Variants in FBXO41 observed in about 807,000 individuals in gnomAD.
FBXO41 encodes F-box only protein 41.
FBXO41 carries 33 observed loss-of-function variants against 81.6 expected under a neutral mutation model. The observed-to-expected ratio is 0.40, with a 90% confidence interval of 0.31 to 0.54. The LOEUF (loss-of-function observed/expected upper bound fraction) is 0.54. FBXO41 is among the 20% of genes least tolerant of loss of function. The pLI, the probability that FBXO41 is intolerant of heterozygous loss-of-function variation, is 0.39. For missense variants in FBXO41, 1,107 were observed against 1,236.0 expected (o/e 0.90, Z 1.56); for synonymous variants, 576 against 552.7 (o/e 1.04, Z -0.59).
Position 73,268,896 on chromosome 2 carries a change from C to T in FBXO41, c.735G>A (p.Ala245=), listed in dbSNP as rs776656717. The change falls in exon 2 of 13, where the codon GCG becomes GCA. Residue 245 remains alanine (A), a synonymous_variant. Coordinates refer to ENST00000520530, the MANE Select transcript of FBXO41 (RefSeq NM_001371389.2). Reference sequence around the variant, plus strand: ...CCTGCCGCGCAGTCTCCAGTTCGGCCGCCTTGCGCTCCAGCTCGGCCTGCA... The same window carrying T: ...CCTGCCGCGCAGTCTCCAGTTCGGCTGCCTTGCGCTCCAGCTCGGCCTGCA... ...GRLQAELERK[A]AELETARQES... is the part of the protein sequence containing the mutation. 39 of 1,550,896 alleles carry T rather than the reference C, an allele frequency of 2.5e-5. No individual in the cohort carries two copies. Among genetic ancestry groups the T allele is most frequent in the Non-Finnish European group, 3.2e-5 (37 of 1,150,552 alleles).
Position 73,266,074 on chromosome 2 carries a change from GGA to G in FBXO41, c.1132-110_1132-109del, listed in dbSNP as rs1230417118. 1 of 958,282 alleles carries G rather than the reference GGA, an allele frequency of 1.0e-6. No homozygotes were observed. Among genetic ancestry groups the G allele is most frequent in the Non-Finnish European group, 1.6e-6 (1 of 624,678 alleles). 59.4% of individuals were successfully genotyped at this position (958,282 alleles called of 1,614,324 possible). A position where few individuals can be genotyped will look rare whatever the true frequency, so the allele number is the denominator to read the frequency against. On this transcript the variant is annotated intron_variant, in intron 3 of 12. Coordinates refer to ENST00000520530, the MANE Select transcript of FBXO41 (RefSeq NM_001371389.2). The surrounding 1 kb of genome is among the most constrained non-coding windows in gnomAD (Gnocchi z 5.3). Reference sequence around the variant, plus strand: ...AAAGATGGAGAGGAGATGGGGGAGAGGAGAGAGAAGGGAAAATAGTTGGGAAA... The same window carrying G: ...AAAGATGGAGAGGAGATGGGGGAGAGGAGAGAAGGGAAAATAGTTGGGAAA...
intron 2 of FBXO41, 93 bp downstream of exon 2, chr2:73,268,633 A>G (rs1320033917): frequency 7.9e-7 from 1 of 1,266,732 alleles, no homozygotes; most frequent in African/African-American, 1.5e-5. Context: ...CCATGGCCAC[A>G]TACAGACACA....
In FBXO41 at chr2:73,265,550, AG is replaced by A; in HGVS notation, c.1295del (p.Pro432LeufsTer84). ...LELPRPEEGA[P>X]EDSGPGGLGT... Reference sequence around the variant, plus strand: ...CCAAGCCCCCAGGGCCACTGTCCTCAGGGGCCCCCTCCTCTGGCCTGGGCAG... The same window carrying A: ...CCAAGCCCCCAGGGCCACTGTCCTCAGGGCCCCCTCCTCTGGCCTGGGCAG... On this transcript the variant is annotated frameshift_variant, in exon 5 of 13. Coordinates refer to ENST00000520530, the MANE Select transcript of FBXO41 (RefSeq NM_001371389.2). LOFTEE classifies it high-confidence loss of function. The A allele has an allele frequency of 6.3e-7, 1 of 1,585,830 alleles. No homozygotes were observed.
Position 73,266,410 on chromosome 2 carries a change from G to C in FBXO41, c.1131+47C>G, listed in dbSNP as rs756568789. On this transcript the variant is annotated intron_variant, in intron 3 of 12. Transcript: ENST00000520530. This position sits in a 1 kb window ranked among gnomAD's most constrained non-coding sequence, Gnocchi z 5.3. The stretch of plus-strand genomic sequence containing the variant: ...CAGCCATGTGAAAGGTGAGGTTGTG[G>C]GGGGCCAGGTGTGCAGGTAGAGGAG... 13 of 1,442,526 alleles carry C rather than the reference G, an allele frequency of 9.0e-6. 1 individual carries two copies. In the Admixed American group the frequency reaches 3.5e-4, roughly 39 times the overall value. 89.4% of individuals were successfully genotyped at this position (1,442,526 alleles called of 1,614,324 possible). A position where few individuals can be genotyped will look rare whatever the true frequency, so the allele number is the denominator to read the frequency against.
In FBXO41 at chr2:73,265,523, G is replaced by A. The variant is rs758038474; in HGVS notation, c.1323C>T (p.Gly441=). 6.3e-7 allele frequency: 1 copy of A among 1,595,550 alleles called. No homozygotes were observed. Among genetic ancestry groups the A allele is most frequent in the Admixed American group, 1.7e-5 (1 of 58,490 alleles). Residue 441 remains glycine, a synonymous_variant, in exon 5 of 13, where the codon GGC becomes GGT. Transcript: ENST00000520530. ...APEDSGPGGL[G]TRAQAANGGS... ...CCCCGTTGGCAGCCTGGGCCCGTGT[G>A]CCCAAGCCCCCAGGGCCACTGTCCT...
At position 73,259,350 on chromosome 2, in the gene FBXO41, C is replaced by T. The variant is rs1687927066; in HGVS notation, c.2450-54G>A. The T allele has an allele frequency of 3.7e-6, 5 of 1,357,482 alleles. No homozygotes were observed. Among genetic ancestry groups the T allele is most frequent in the Non-Finnish European group, 5.3e-6 (5 of 947,784 alleles). The allele number at this position is 1,357,482 out of a possible 1,614,324, so 84.1% of individuals were successfully genotyped here. ...TGTTTGGCCTGGGCTGTGGAGCTGC[C>T]TCCTCTCCTCTCACTAATTAATGAA... On this transcript the variant is annotated intron_variant, in intron 11 of 12. Transcript: ENST00000520530. The surrounding 1 kb of genome is among the most constrained non-coding windows in gnomAD (Gnocchi z 4.2).
rs1688938078 is a variant in FBXO41, at chr2:73,284,405, A to G, written c.-384T>C. ...GCGGGAGGAAGGATGGAGGAGGAGG[A>G]GGAGGAGGAGGGGGAGGAGGGGGCG... On this transcript the variant is annotated 5_prime_UTR_variant, in exon 1 of 13. Coordinates refer to ENST00000520530, the MANE Select transcript of FBXO41 (RefSeq NM_001371389.2). This position sits in a 1 kb window ranked among gnomAD's most constrained non-coding sequence, Gnocchi z 7.4. The G allele has an allele frequency of 6.6e-6, 1 of 151,314 alleles. No individual in the cohort carries two copies. The highest frequency in any genetic ancestry group is 2.4e-5 in the African/African-American group (1 of 40,994). The allele number at this position is 151,314 out of a possible 1,614,324, so 9.4% of individuals were successfully genotyped here.
In FBXO41 at chr2:73,266,588, C is replaced by T. The variant is rs374245208; in HGVS notation, c.1000G>A (p.Glu334Lys). 16 of 1,611,398 alleles carry T rather than the reference C, an allele frequency of 9.9e-6. No homozygotes were observed. The highest frequency in any genetic ancestry group is 1.2e-5 in the Non-Finnish European group (14 of 1,179,200). Reference sequence around the variant, plus strand: ...TGCCGCTCGGCACGGTCAGCCCGCTCAAGGAGCTCCTCAATGAACTGCTGC... The same window carrying T: ...TGCCGCTCGGCACGGTCAGCCCGCTTAAGGAGCTCCTCAATGAACTGCTGC... ...RLQQFIEELLERADRAERQLQ... is the reference protein window; with the variant it reads ...RLQQFIEELLKRADRAERQLQ... Residue 334 changes from glutamate to lysine, a missense_variant, in exon 3 of 13, where the codon GAG becomes AAG. By Grantham distance (56) the Glu-to-Lys change is moderately conservative. Transcript: ENST00000520530. This position sits in a 1 kb window ranked among gnomAD's most constrained non-coding sequence, Gnocchi z 5.3.
chr2:73,263,285 T>G lies in FBXO41; in HGVS notation c.2099A>C (p.His700Pro). 1 of 1,545,296 alleles carries G rather than the reference T, an allele frequency of 6.5e-7. No homozygotes were observed. Among genetic ancestry groups the G allele is most frequent in the Non-Finnish European group, 8.7e-7 (1 of 1,144,508 alleles). The change falls in exon 9 of 13, where the codon CAT (histidine) becomes CCT (proline). Residue 700 changes from histidine to proline, a missense_variant. Physicochemically the swap from His to Pro is moderately conservative, Grantham distance 77. This residue lies in a region of FBXO41 where 336 missense variants were observed against 446.7 expected (regional missense o/e 0.75). Coordinates refer to ENST00000520530, the MANE Select transcript of FBXO41 (RefSeq NM_001371389.2). ...TGCGCCCAGGGCCCAAATGACCTCA[T>G]GGCCCACGGGGTCTGTGGCACTCCT... ...TYRSATDPVG[H>P]EVIWALGAGC...
chr2:73,283,155 C>G (rs1688893843), intron 1 of FBXO41, among the ~76,000 whole-genome samples: 1 of 152,170 alleles, frequency 6.6e-6, no homozygotes, highest in Admixed American at 6.5e-5. Context: ...CCGGAGTTGT[C>G]CCCATTATAC....
chr2:73,277,401 T>G (rs1021104522), intron 1 of FBXO41, among the ~76,000 whole-genome samples: 2 of 152,174 alleles, frequency 1.3e-5, no homozygotes, highest in Non-Finnish European at 2.9e-5. Flanking sequence ...TTGTTCAAAT[T>G]TCATCACAGG....
intron 1 of FBXO41, among the ~76,000 whole-genome samples, chr2:73,276,302 C>G (rs1445408170): frequency 6.6e-6 from 1 of 151,128 alleles, no homozygotes; most frequent in East Asian, 2.0e-4. Context: ...CCCAGCTACT[C>G]AGGAGGCTGA....
In FBXO41 at chr2:73,269,247, G is replaced by C; in HGVS notation, c.384C>G (p.Pro128=). 6.5e-7 allele frequency: 1 copy of C among 1,531,080 alleles called. No homozygotes were observed. The highest frequency in any genetic ancestry group is 1.7e-4 in the Middle Eastern group (1 of 5,872). 94.8% of individuals were successfully genotyped at this position (1,531,080 alleles called of 1,614,324 possible). Residue 128 remains proline, a synonymous_variant, in exon 2 of 13, where the codon CCC becomes CCG. Transcript: ENST00000520530. This position sits in a 1 kb window ranked among gnomAD's most constrained non-coding sequence, Gnocchi z 7.0. ...GGCCCGGCTCGGCCAACTCCTCACA[G>C]GGCAGGCTAGCGGGCACCAGGTCGC... ...FPGDLVPASL[P]CEELAEPGLV... is the part of the protein sequence containing the mutation.
rs1688299008 is a variant in FBXO41 at position 73,266,889 on chromosome 2, A to C, written c.906-207T>G. On this transcript the variant is annotated intron_variant, in intron 2 of 12. Coordinates refer to ENST00000520530, the MANE Select transcript of FBXO41 (RefSeq NM_001371389.2). This position sits in a 1 kb window ranked among gnomAD's most constrained non-coding sequence, Gnocchi z 5.3. Reference sequence around the variant, plus strand: ...TGCATGCATGCACTCCGAGCCACACACTCACACCCCACCCACCTGGCCCCA... The same window carrying C: ...TGCATGCATGCACTCCGAGCCACACCCTCACACCCCACCCACCTGGCCCCA... 4.4e-6 allele frequency: 3 copies of C among 675,748 alleles called. No homozygotes were observed. Among genetic ancestry groups the C allele is most frequent in the Non-Finnish European group, 6.6e-6 (3 of 454,762 alleles). 41.9% of individuals were successfully genotyped at this position (675,748 alleles called of 1,614,324 possible). A position where few individuals can be genotyped will look rare whatever the true frequency, so the allele number is the denominator to read the frequency against.
rs1470859659 is a variant in FBXO41, at chr2:73,259,112, C to A, written c.2566-68G>T. On this transcript the variant is annotated intron_variant, in intron 12 of 12. Coordinates refer to ENST00000520530, the MANE Select transcript of FBXO41 (RefSeq NM_001371389.2). The surrounding 1 kb of genome is among the most constrained non-coding windows in gnomAD (Gnocchi z 4.2). ...AGGTGGGGCCCTCCTGCCACACTCACCCAGGTCACCAGCCCCAGTCTAGGG... is the reference window on the plus strand; with the variant it reads ...AGGTGGGGCCCTCCTGCCACACTCAACCAGGTCACCAGCCCCAGTCTAGGG... 24 of 1,610,282 alleles carry A rather than the reference C, an allele frequency of 1.5e-5. No homozygotes were observed. The highest frequency in any genetic ancestry group is 1.9e-5 in the Non-Finnish European group (22 of 1,177,404).
chr2:73,271,493 C>G (rs1346031881), intron 1 of FBXO41: 1 of 152,988 alleles, frequency 6.5e-6, no homozygotes, highest in Admixed American at 6.5e-5. Context: ...CATCCTTTCT[C>G]CTTTTGGGAG....
In FBXO41 at chr2:73,263,922, C is replaced by A; in HGVS notation, c.1922+16G>T. On this transcript the variant is annotated intron_variant, in intron 7 of 12. Transcript: ENST00000520530. ...TGGCCCAACAGCACCCACCACCCACCCATCGCAGGCCTCACCGGGTGCTCC... is the reference window on the plus strand; with the variant it reads ...TGGCCCAACAGCACCCACCACCCACACATCGCAGGCCTCACCGGGTGCTCC... The A allele has an allele frequency of 6.2e-7, 1 of 1,612,862 alleles. No individual in the cohort carries two copies. The highest frequency in any genetic ancestry group is 1.1e-5 in the South Asian group (1 of 90,874).
intron 1 of FBXO41, chr2:73,272,390 T>A (rs1475824558): frequency 6.6e-6 from 1 of 152,312 alleles, no homozygotes; most frequent in African/African-American, 2.4e-5. Context: ...GAGAGTCAGA[T>A]AATTAAGAGC....
chr2:73,272,708 C>A (rs1394409340), intron 1 of FBXO41, among the ~76,000 whole-genome samples: 1 of 152,186 alleles, frequency 6.6e-6, no homozygotes, highest in Non-Finnish European at 1.5e-5. Context: ...AACACTGAGG[C>A]CTGTTGCTAA....
Sources: gnomAD v4.1 joint callset for allele counts (sites outside exome capture counted in the v4.1 genomes callset) on GRCh38, gnomAD v4.1.1 for gene constraint, gnomAD v4.1.1 regional missense constraint, Gnocchi (gnomAD v3.1) non-coding constraint, MANE v1.5 for transcripts, NCBI Gene and HGNC (gene_info 2026-07-23, HGNC 2026-07-21) for gene names.